Variants in MYT1L observed in about 807,000 individuals in gnomAD.
The protein encoded by MYT1L is myelin transcription factor 1 like, also known as myelin transcription factor 1-like protein.
Under a neutral mutation model 126.7 loss-of-function variants are expected in MYT1L, and 12 were observed. That is an observed-to-expected ratio of 0.09 (90% CI 0.06 to 0.15). MYT1L has a LOEUF of 0.15. Ranked by LOEUF, MYT1L falls within the 10% of genes least tolerant of loss-of-function variation. MYT1L has a pLI of 1.00. For missense variants in MYT1L, 979 were observed against 1,585.2 expected, an observed-to-expected ratio of 0.62 and a Z score of 6.49; for synonymous variants, 541 against 604.2, an observed-to-expected ratio of 0.90 and a Z score of 1.53.
chr2:1,847,228 T>C (rs2042619650), intron 19 of MYT1L, among the ~76,000 whole-genome samples: 1 of 152,150 alleles, frequency 6.6e-6, no homozygotes, highest in Admixed American at 6.5e-5. Context: ...AATAATCTCA[T>C]AGGATGGTGA....
intron 2 of MYT1L, among the ~76,000 whole-genome samples, chr2:2,204,179 A>C (rs2148848847): frequency 6.6e-6 from 1 of 152,346 alleles, no homozygotes; most frequent in Admixed American, 6.5e-5. Context: ...CCTAGGCAAT[A>C]TCATTCAGGA....
At chr2:2,309,517 C>T (rs2095920451) in intron 1 of MYT1L, among the ~76,000 whole-genome samples, 1 of 151,584 alleles carries the variant, frequency 6.6e-6, no homozygotes. Context: ...ACACTCTACT[C>T]ATACTCCACT....
chr2:2,279,365 T>C (rs969472627), intron 2 of MYT1L, among the ~76,000 whole-genome samples: 8 of 149,926 alleles, frequency 5.3e-5, no homozygotes, highest in African/African-American at 2.0e-4. Flanking sequence ...TTATAATGAT[T>C]AAGCCATTCA....
At chr2:1,954,065 A>G (rs755428120) in intron 8 of MYT1L, among the ~76,000 whole-genome samples, 5 of 152,218 alleles carry the variant, frequency 3.3e-5, no homozygotes, top group Non-Finnish European at 7.3e-5. Flanking sequence ...CCCTCAGGAC[A>G]GGAGAAATCT....
At chr2:2,243,635 AG>A (rs1049674076) in intron 2 of MYT1L, among the ~76,000 whole-genome samples, 4 of 152,190 alleles carry the variant, frequency 2.6e-5, no homozygotes, top group African/African-American at 7.2e-5. Flanking sequence ...GTAGCTGGGA[AG>A]CCACATGTTG....
intron 3 of MYT1L, among the ~76,000 whole-genome samples, chr2:2,091,425 C>T (rs1471580064): frequency 5.3e-5 from 8 of 152,156 alleles, no homozygotes; most frequent in Admixed American, 5.2e-4. Context: ...ATTTAGTAAA[C>T]CATGCTGTAA....
chr2:1,873,434 G>A (rs1287391232), intron 18 of MYT1L, among the ~76,000 whole-genome samples: 2 of 152,170 alleles, frequency 1.3e-5, no homozygotes, highest in Non-Finnish European at 2.9e-5. Context: ...CAGCGCCTCC[G>A]AGGCTGTACA....
chr2:2,100,903 TG>T (rs2077990885), intron 3 of MYT1L, among the ~76,000 whole-genome samples: 1 of 152,200 alleles, frequency 6.6e-6, no homozygotes, highest in South Asian at 2.1e-4. Flanking sequence ...TTCCACATTT[TG>T]ATGGTAAAAA....
intron 4 of MYT1L, among the ~76,000 whole-genome samples, chr2:2,038,330 T>TC (rs1372805530): frequency 1.3e-5 from 2 of 152,168 alleles, no homozygotes; most frequent in African/African-American, 4.8e-5. Flanking sequence ...TTGAGTAGAA[T>TC]CTCACCCTGT....
chr2:1,901,219 C>T (rs1263526976), intron 14 of MYT1L, among the ~76,000 whole-genome samples: 1 of 152,084 alleles, frequency 6.6e-6, no homozygotes, highest in Non-Finnish European at 1.5e-5. Flanking sequence ...TGGAGTCTGA[C>T]CTTAACAATG....
chr2:2,044,983 G>A (rs2067999596), intron 4 of MYT1L, among the ~76,000 whole-genome samples: 1 of 152,142 alleles, frequency 6.6e-6, no homozygotes, highest in Non-Finnish European at 1.5e-5. Context: ...CAAGTAGGAG[G>A]TGTTTAAACA....
intron 23 of MYT1L, among the ~76,000 whole-genome samples, chr2:1,794,955 C>G (rs1046968830): frequency 2.6e-5 from 4 of 152,236 alleles, no homozygotes; most frequent in African/African-American, 7.2e-5. Flanking sequence ...GAGAGAATGT[C>G]TGGAGACCCA....
chr2:2,231,275 A>G (rs1002891083), intron 2 of MYT1L, among the ~76,000 whole-genome samples: 13 of 152,064 alleles, frequency 8.5e-5, no homozygotes, highest in Admixed American at 7.2e-4. Flanking sequence ...ACCCATATTC[A>G]CCCATTCATT....
At chr2:1,944,371 T>C (rs1301925014) in intron 8 of MYT1L, among the ~76,000 whole-genome samples, 2 of 152,002 alleles carry the variant, frequency 1.3e-5, no homozygotes, top group African/African-American at 2.4e-5. Flanking sequence ...TACAAAAAAA[T>C]AGGTGGGTTA....
chr2:2,323,025 A>T (rs1285900011), intron 1 of MYT1L, among the ~76,000 whole-genome samples: 1 of 152,206 alleles, frequency 6.6e-6, no homozygotes, highest in Non-Finnish European at 1.5e-5. Context: ...ACACATTGAA[A>T]AAACAATAGA....
chr2:1,826,599 A>C (rs746520884), intron 21 of MYT1L, among the ~76,000 whole-genome samples: 23 of 152,128 alleles, frequency 1.5e-4, no homozygotes, highest in Admixed American at 9.2e-4. Flanking sequence ...CCCGTCAAAC[A>C]CTAAAAGATG....
intron 3 of MYT1L, among the ~76,000 whole-genome samples, chr2:2,079,407 T>A (rs1051359956): frequency 6.6e-6 from 1 of 152,234 alleles, no homozygotes. Context: ...AAGGTAGCAA[T>A]ACTTCTCAAA....
chr2:2,268,339 G>C (rs2149326734), intron 2 of MYT1L, among the ~76,000 whole-genome samples: 1 of 152,220 alleles, frequency 6.6e-6, no homozygotes, highest in East Asian at 1.9e-4. Flanking sequence ...ATCATTCTTT[G>C]TAAATTTGCA....
chr2:1,818,687 T>C (rs1325954422), intron 21 of MYT1L, among the ~76,000 whole-genome samples: 1 of 152,010 alleles, frequency 6.6e-6, no homozygotes, highest in African/African-American at 2.4e-5. Flanking sequence ...GGCCCCAGCA[T>C]ATGTGAGGAA....
Sources: gnomAD v4.1 joint callset for allele counts (sites outside exome capture counted in the v4.1 genomes callset) on GRCh38, gnomAD v4.1.1 for gene constraint, MANE v1.5 for transcripts, NCBI Gene and HGNC (gene_info 2026-07-23, HGNC 2026-07-21) for gene names.